Variants in CDH26 observed in about 807,000 individuals in gnomAD.
CDH26 encodes the protein cadherin-like protein 26.
Under a neutral mutation model 90.3 loss-of-function variants are expected in CDH26, and 83 were observed. The ratio of observed to expected loss-of-function variants is 0.92; its 90% CI spans 0.77 to 1.10. The LOEUF (loss-of-function observed/expected upper bound fraction) is 1.10. Ranked by LOEUF, CDH26 falls within the 50% of genes least tolerant of loss-of-function variation. CDH26 has a pLI of 0.00. For synonymous variants in CDH26, 397 were observed against 396.3 expected, an observed-to-expected ratio of 1.00 and a Z score of -0.02; for missense variants, 1,013 against 1,037.6, an observed-to-expected ratio of 0.98 and a Z score of 0.33.
At position 59,984,704 on chromosome 20, in the gene CDH26, C is replaced by T. The variant is rs141052091; in HGVS notation, c.607C>T (p.Leu203Phe). Residue 203 changes from leucine to phenylalanine, a missense_variant, in exon 6 of 18, where the codon CTT becomes TTT. Transcript: ENST00000348616. ...AGAAAACACTCCAAATTCTCAAGTC[C>T]TTTACTTCCTCATTTCTCAAACACC... ...DEENTPNSQV[L>F]YFLISQTPLL... is the part of the protein sequence containing the mutation. 8.7e-6 allele frequency: 14 copies of T among 1,613,788 alleles called. No homozygotes were observed. In the African/African-American group the frequency reaches 1.7e-4, roughly 20 times the overall value.
rs2061493871 is a variant in CDH26 at position 59,989,044 on chromosome 20, A to G, written c.1164A>G (p.Thr388=). The part of the protein sequence containing the change: ...AASATVSVQV[T]DANDPPAFHP... The stretch of plus-strand genomic sequence containing the variant: ...GCGCCACTGTGAGTGTGCAGGTGAC[A>G]GACGCCAACGACCCACCAGCCTTTC... Residue 388 remains threonine (T), a synonymous_variant, in exon 9 of 18, where the codon ACA becomes ACG. Coordinates refer to ENST00000348616, the MANE Select transcript of CDH26 (RefSeq NM_177980.4). 1 of 1,614,222 alleles carries G rather than the reference A, an allele frequency of 6.2e-7. No individual in the cohort carries two copies. Among genetic ancestry groups the G allele is most frequent in the East Asian group, 2.2e-5 (1 of 44,886 alleles).
chr20:60,012,035 C>T (rs574308509), intron 17 of CDH26, among the ~76,000 whole-genome samples: 66 of 152,096 alleles, frequency 4.3e-4, no homozygotes, highest in African/African-American at 1.5e-3. Context: ...AAGTGGTGGC[C>T]GCCCTTTCTT....
At chr20:59,966,860 G>C (rs1274746650) in intron 1 of CDH26, among the ~76,000 whole-genome samples, 1 of 152,080 alleles carries the variant, frequency 6.6e-6, no homozygotes. Context: ...CCATCACTAG[G>C]AGAATGGATA....
chr20:60,017,870 G>A (rs2061918463), downstream of CDH26, among the ~76,000 whole-genome samples: 1 of 151,902 alleles, frequency 6.6e-6, no homozygotes, highest in Non-Finnish European at 1.5e-5. Flanking sequence ...TCACTCCTTG[G>A]TCATCAGGAG....
At chr20:60,028,006 T>G (rs912374846) in intron 7 of CDH26, among the ~76,000 whole-genome samples, 2 of 152,212 alleles carry the variant, frequency 1.3e-5, no homozygotes, top group Admixed American at 1.3e-4. Flanking sequence ...ACCAGGACAC[T>G]GATATTGAAA....
chr20:60,008,418 A>C (rs183245781), intron 17 of CDH26, among the ~76,000 whole-genome samples: 4 of 152,270 alleles, frequency 2.6e-5, no homozygotes, highest in African/African-American at 9.6e-5. Flanking sequence ...TTGGGGCTCA[A>C]ATACAGGCAA....
intron 17 of CDH26, 77 bp downstream of exon 17, chr20:60,006,864 AC>A: frequency 9.3e-7 from 1 of 1,069,732 alleles, no homozygotes; most frequent in Non-Finnish European, 1.5e-6. Context: ...TGATTTGGGG[AC>A]ACTTCCTCCT....
At chr20:59,983,705 T>C (rs1213486006) in intron 5 of CDH26, among the ~76,000 whole-genome samples, 2 of 152,262 alleles carry the variant, frequency 1.3e-5, no homozygotes, top group Non-Finnish European at 2.9e-5. Flanking sequence ...CATTTTTATG[T>C]ATAATTACAA....
At chr20:60,001,622 G>A in intron 15 of CDH26, 2 of 985,164 alleles carry the variant, frequency 2.0e-6, no homozygotes, top group African/African-American at 1.7e-5. Flanking sequence ...GCTGTTTTTA[G>A]AGTTGTTTGA....
intron 17 of CDH26, among the ~76,000 whole-genome samples, chr20:60,009,875 C>T (rs542858903): frequency 9.3e-4 from 142 of 152,242 alleles, no homozygotes; most frequent in African/African-American, 3.0e-3. Context: ...ACTGCAAGGA[C>T]GTGAACCGAC....
chr20:59,988,757 G>C (rs769986380), intron 8 of CDH26, 147 bp from the exon 9 acceptor site: 7 of 825,458 alleles, frequency 8.5e-6, no homozygotes, highest in African/African-American at 5.2e-5. Context: ...GCTGTAGACT[G>C]TCTTTTGATC....
chr20:59,994,803 G>C (rs2061571857), intron 11 of CDH26, among the ~76,000 whole-genome samples: 2 of 152,172 alleles, frequency 1.3e-5, no homozygotes, highest in African/African-American at 2.4e-5. Context: ...GTCACTGTTT[G>C]GCCTGGGTCA....
intron 7 of CDH26, among the ~76,000 whole-genome samples, chr20:60,021,529 T>C (rs1464228551): frequency 6.6e-6 from 1 of 152,198 alleles, no homozygotes; most frequent in African/African-American, 2.4e-5. Flanking sequence ...ATTCATACCT[T>C]ACATTAAAAA....
At chr20:59,973,195 C>G (rs778348969) in intron 4 of CDH26, among the ~76,000 whole-genome samples, 24 of 152,176 alleles carry the variant, frequency 1.6e-4, no homozygotes, top group Non-Finnish European at 4.4e-5. Flanking sequence ...TTTAGTAGGT[C>G]AGGGTGAAGC....
Position 59,978,303 on chromosome 20 carries a change from A to G in CDH26, c.394-4620A>G, listed in dbSNP as rs572329108. Among the ~76,000 whole-genome samples, 74 of 152,226 alleles carry G rather than the reference A, an allele frequency of 4.9e-4. 1 individual carries two copies. The highest frequency in any genetic ancestry group is 1.2e-3 in the Admixed American group (19 of 15,286). On this transcript the variant is annotated intron_variant, in intron 4 of 17. Transcript: ENST00000348616. ...CATTTAGTTTTGTAAGAAACTGCCAAACTGTCCCCCAAAGTGGCTGCACCA... is the reference window on the plus strand; with the variant it reads ...CATTTAGTTTTGTAAGAAACTGCCAGACTGTCCCCCAAAGTGGCTGCACCA...
rs2061031067 is a variant in CDH26, at chr20:59,958,830, G to A, written c.69+35G>A. 2.5e-6 allele frequency: 4 copies of A among 1,600,882 alleles called. No homozygotes were observed. In the East Asian group the frequency reaches 9.0e-5, roughly 36 times the overall value. ...GCCTGCAGCCTAGTGCTCAGGTGCAGGGAACTGAAAGCAAAGCACAAGCTG... is the reference window on the plus strand; with the variant it reads ...GCCTGCAGCCTAGTGCTCAGGTGCAAGGAACTGAAAGCAAAGCACAAGCTG... On this transcript the variant is annotated intron_variant, in intron 1 of 17. Transcript: ENST00000348616.
At chr20:59,989,548 A>G (rs1601149627) in intron 9 of CDH26, among the ~76,000 whole-genome samples, 1 of 151,120 alleles carries the variant, frequency 6.6e-6, no homozygotes, top group Non-Finnish European at 1.5e-5. Context: ...AAAAAAAAAA[A>G]AAAAAGAAAA....
intron 15 of CDH26, among the ~76,000 whole-genome samples, chr20:60,001,764 C>T (rs998125865): frequency 1.3e-5 from 2 of 152,206 alleles, no homozygotes; most frequent in Non-Finnish European, 2.9e-5. Flanking sequence ...AATTCCAGCC[C>T]AGTGACTGCA....
intron 7 of CDH26, among the ~76,000 whole-genome samples, chr20:60,029,127 G>A (rs2062020641): frequency 6.6e-6 from 1 of 152,188 alleles, no homozygotes; most frequent in Non-Finnish European, 1.5e-5. Context: ...TGATCAAAAA[G>A]AGTCAGATGA....
Sources: gnomAD v4.1 joint callset for allele counts (sites outside exome capture counted in the v4.1 genomes callset) on GRCh38, gnomAD v4.1.1 for gene constraint, MANE v1.5 for transcripts, NCBI Gene and HGNC (gene_info 2026-07-23, HGNC 2026-07-21) for gene names.